Variants in VAMP7 observed in about 807,000 individuals in gnomAD.
VAMP7 encodes the protein vesicle associated membrane protein 7, also known as vesicle-associated membrane protein 7.
VAMP7 carries 14 observed loss-of-function variants against 29.6 expected under a neutral mutation model. The observed-to-expected ratio is 0.47, with a 90% CI of 0.31 to 0.74. VAMP7 has a LOEUF of 0.74. Among genes scored for constraint, VAMP7 ranks in the 30% least tolerant of loss-of-function variants. The pLI is 0.05. For synonymous variants in VAMP7, 95 were observed against 88.1 expected, an observed-to-expected ratio of 1.08 and a Z score of -0.44; for missense variants, 223 against 262.4, an observed-to-expected ratio of 0.85 and a Z score of 1.04.
chrX:155,905,628 A>G (rs558721560), intron 5 of VAMP7, among the ~76,000 whole-genome samples: 2 of 152,278 alleles, frequency 1.3e-5, no homozygotes, highest in African/African-American at 4.8e-5. Flanking sequence ...ATATGTATAT[A>G]CAGTTGTTCC....
intron 5 of VAMP7, among the ~76,000 whole-genome samples, chrX:155,918,310 G>T (rs1315344501): frequency 4.0e-5 from 6 of 151,778 alleles, no homozygotes; most frequent in African/African-American, 1.5e-4. Flanking sequence ...TTCCAGGCGA[G>T]TGAACAGTTA....
At chrX:155,939,615 AT>A (rs1232283743) in intron 6 of VAMP7, 85 bp from the exon 7 acceptor site, 23 of 950,764 alleles carry the variant, frequency 2.4e-5, no homozygotes, top group Non-Finnish European at 5.2e-6. Flanking sequence ...AATGGAATTA[AT>A]GGAAGTAAAA....
chrX:155,927,735 C>T (rs1422686910), intron 6 of VAMP7, among the ~76,000 whole-genome samples: 20 of 145,650 alleles, frequency 1.4e-4, no homozygotes, highest in Non-Finnish European at 2.8e-4. Flanking sequence ...ACTTTCTTTG[C>T]ATAGAGTTTT....
chrX:155,907,887 C>T (rs987386974), intron 5 of VAMP7, among the ~76,000 whole-genome samples: 46 of 151,960 alleles, frequency 3.0e-4, no homozygotes, highest in Middle Eastern at 3.2e-3. Flanking sequence ...TCAGACAGGG[C>T]GGCCGGGCAG....
intron 2 of VAMP7, among the ~76,000 whole-genome samples, chrX:155,893,132 G>C (rs753596702): frequency 7.2e-5 from 11 of 152,254 alleles, no homozygotes; most frequent in Non-Finnish European, 1.0e-4. Context: ...ATCATACCTT[G>C]TTACCTTTTG....
chrX:155,924,026 G>C (rs749865677), intron 6 of VAMP7, among the ~76,000 whole-genome samples: 13 of 152,196 alleles, frequency 8.5e-5, no homozygotes, highest in African/African-American at 3.1e-4. Flanking sequence ...TATAATTGAA[G>C]TGCTTATTCC....
chrX:155,916,487 C>T (rs2066315741), intron 5 of VAMP7, among the ~76,000 whole-genome samples: 1 of 152,130 alleles, frequency 6.6e-6, no homozygotes. Flanking sequence ...TTTGCAGTGG[C>T]TGGTACTGGT....
intron 5 of VAMP7, among the ~76,000 whole-genome samples, chrX:155,914,837 T>G (rs2066288053): frequency 6.6e-6 from 1 of 152,150 alleles, no homozygotes; most frequent in Non-Finnish European, 1.5e-5. Context: ...TTTGGTTGTG[T>G]CTCTGCCAGG....
intron 5 of VAMP7, among the ~76,000 whole-genome samples, chrX:155,905,275 T>A (rs1272802193): frequency 1.3e-5 from 2 of 152,140 alleles, no homozygotes; most frequent in Non-Finnish European, 2.9e-5. Flanking sequence ...GTTATTTGTC[T>A]TTTTATGGTT....
intron 1 of VAMP7, among the ~76,000 whole-genome samples, chrX:155,887,756 C>T (rs151267002): frequency 0.011 from 1,738 of 151,332 alleles, 30 homozygotes; most frequent in Middle Eastern, 0.062. Context: ...TGGTGAAACC[C>T]TGTCTGTACA....
chrX:155,905,704 A>T (rs905898462), intron 5 of VAMP7, among the ~76,000 whole-genome samples: 1 of 152,170 alleles, frequency 6.6e-6, no homozygotes, highest in Non-Finnish European at 1.5e-5. Context: ...ATCAAAAATT[A>T]GTTATCAATG....
Position 155,882,301 on chromosome X carries a change from C to G in VAMP7, c.-10+853C>G, listed in dbSNP as rs148399785. Among the ~76,000 whole-genome samples the G allele has an allele frequency of 4.8e-3, 724 of 152,248 alleles. 8 individuals carry two copies. The highest frequency in any genetic ancestry group is 0.016 in the African/African-American group (679 of 41,536). On this transcript the variant is annotated intron_variant, in intron 1 of 7. Coordinates refer to ENST00000286448, the MANE Select transcript of VAMP7 (RefSeq NM_005638.6). ...ACAAGACTTAGGAGGTTGCTACTCT[C>G]AGGAACTTACATGTTTGTGTCTAGA...
chrX:155,931,175 G>C (rs916317918), intron 6 of VAMP7, among the ~76,000 whole-genome samples: 41 of 152,282 alleles, frequency 2.7e-4, no homozygotes, highest in Non-Finnish European at 4.9e-4. Flanking sequence ...AAACATACGT[G>C]TGCATGTGTC....
intron 5 of VAMP7, among the ~76,000 whole-genome samples, chrX:155,904,738 C>T (rs2066123155): frequency 6.6e-6 from 1 of 151,944 alleles, no homozygotes; most frequent in African/African-American, 2.4e-5. Flanking sequence ...GAGATTCATT[C>T]ATGTCGTAGC....
intron 5 of VAMP7, 95 bp from the exon 6 acceptor site, chrX:155,919,718 C>A: frequency 2.8e-6 from 3 of 1,083,260 alleles, no homozygotes; most frequent in Non-Finnish European, 4.1e-6. Context: ...GGCCCCAGGA[C>A]AGTGTATTCA....
At chrX:155,882,269 G>T (rs1284292429) in intron 1 of VAMP7, among the ~76,000 whole-genome samples, 2 of 152,152 alleles carry the variant, frequency 1.3e-5, no homozygotes, top group Non-Finnish European at 2.9e-5. Flanking sequence ...AGGGGATACA[G>T]CTGTAAACAA....
intron 6 of VAMP7, among the ~76,000 whole-genome samples, chrX:155,925,749 CAG>C (rs994537894): frequency 6.6e-6 from 1 of 152,144 alleles, no homozygotes; most frequent in Non-Finnish European, 1.5e-5. Flanking sequence ...AGGAGGCAAT[CAG>C]ATACGCATTT....
intron 6 of VAMP7, among the ~76,000 whole-genome samples, chrX:155,930,781 A>G (rs1352230708): frequency 2.0e-5 from 3 of 151,630 alleles, no homozygotes; most frequent in Non-Finnish European, 4.4e-5. Flanking sequence ...TACATATGTA[A>G]ACATGTGCCG....
intron 2 of VAMP7, among the ~76,000 whole-genome samples, chrX:155,892,995 C>G (rs1023455081): frequency 2.0e-5 from 3 of 151,820 alleles, no homozygotes; most frequent in African/African-American, 7.3e-5. Context: ...TCAGGCAATC[C>G]GCCCGCCTCG....
Sources: gnomAD v4.1 joint callset for allele counts (sites outside exome capture counted in the v4.1 genomes callset) on GRCh38, gnomAD v4.1.1 for gene constraint, MANE v1.5 for transcripts, NCBI Gene and HGNC (gene_info 2026-07-23, HGNC 2026-07-21) for gene names.